GSG1L: variants seen among roughly 807,000 people sequenced by gnomAD.
The protein encoded by GSG1L is germ cell-specific gene 1-like protein.
Under a neutral mutation model 42.1 loss-of-function variants are expected in GSG1L, and 24 were observed. The observed-to-expected ratio is 0.57, with a 90% CI of 0.41 to 0.80. GSG1L has a LOEUF of 0.80. Ranked by LOEUF, GSG1L falls within the 30% of genes least tolerant of loss-of-function variation. The pLI, the probability that GSG1L is intolerant of heterozygous loss-of-function variation, is 0.00. For missense variants in GSG1L, 445 were observed against 472.2 expected, an observed-to-expected ratio of 0.94 and a Z score of 0.53; for synonymous variants, 215 against 203.5, an observed-to-expected ratio of 1.06 and a Z score of -0.48.
chr16:27,893,098 G>A (rs1171553163), intron 2 of GSG1L, among the ~76,000 whole-genome samples: 2 of 152,162 alleles, frequency 1.3e-5, no homozygotes, highest in Non-Finnish European at 2.9e-5. Context: ...CGAAACTTGC[G>A]CTAATGGTTC....
chr16:27,916,902 G>A (rs1369914176), intron 2 of GSG1L, among the ~76,000 whole-genome samples: 1 of 151,946 alleles, frequency 6.6e-6, no homozygotes, highest in Non-Finnish European at 1.5e-5. Context: ...AATGTCTAGA[G>A]TGGGGCTATA....
Position 28,063,217 on chromosome 16 carries a change from C to T in GSG1L, c.208G>A (p.Ala70Thr). The change falls in exon 1 of 7, where the codon GCC becomes ACC. Residue 70 changes from alanine to threonine, a missense_variant. Physicochemically the swap from Ala to Thr is moderately conservative, Grantham distance 58 (BLOSUM62 0). Around this residue, in one of 3 missense-constraint regions of GSG1L, gnomAD observed 156 missense variants for 128.3 expected, o/e 1.22. Coordinates refer to ENST00000447459, the MANE Select transcript of GSG1L (RefSeq NM_001109763.2). The surrounding 1 kb of genome is among the most constrained non-coding windows in gnomAD (Gnocchi z 5.8). ...TANGTAAPAA[A>T]AAAATASGNG... ...CCCGAGGCGGTGGCGGCGGCGGCGGCGGCGGCGGGGGCGGCGGTGCCGTTG... is the reference window on the plus strand; with the variant it reads ...CCCGAGGCGGTGGCGGCGGCGGCGGTGGCGGCGGGGGCGGCGGTGCCGTTG... 2 of 1,261,162 alleles carry T rather than the reference C, an allele frequency of 1.6e-6. No individual in the cohort carries two copies. Among genetic ancestry groups the T allele is most frequent in the South Asian group, 2.8e-5 (1 of 35,684 alleles). The allele number at this position is 1,261,162 out of a possible 1,614,324, so 78.1% of individuals were successfully genotyped here. A position where few individuals can be genotyped will look rare whatever the true frequency, so the allele number is the denominator to read the frequency against.
intron 5 of GSG1L, among the ~76,000 whole-genome samples, chr16:27,826,678 C>A (rs1368024854): frequency 2.0e-5 from 3 of 152,122 alleles, no homozygotes; most frequent in Non-Finnish European, 4.4e-5. Flanking sequence ...CGTTTTGCAC[C>A]CAAGGGTGGG....
At position 27,975,226 on chromosome 16, in the gene GSG1L, C is replaced by T. The variant is rs1265172127; in HGVS notation, c.350-12023G>A. ...GAACAAGATGAGCCAGAAAGGAATG[C>T]CCTGATCTTTCTCTCCTTCTGCCCT... On this transcript the variant is annotated intron_variant, in intron 1 of 6. Coordinates refer to ENST00000447459, the MANE Select transcript of GSG1L (RefSeq NM_001109763.2). Among the ~76,000 whole-genome samples the T allele has an allele frequency of 2.6e-5, 4 of 152,162 alleles. No homozygotes were observed. The East Asian group carries it at 7.7e-4, about 29-fold the overall frequency.
intron 2 of GSG1L, among the ~76,000 whole-genome samples, chr16:27,920,925 A>G (rs1294214384): frequency 1.3e-5 from 2 of 152,166 alleles, no homozygotes; most frequent in Admixed American, 6.5e-5. Context: ...AAGGGGCCAG[A>G]TGGAAGCAGG....
At chr16:28,053,789 A>G (rs1429066766) in intron 1 of GSG1L, among the ~76,000 whole-genome samples, 1 of 150,912 alleles carries the variant, frequency 6.6e-6, no homozygotes, top group Non-Finnish European at 1.5e-5. Context: ...CTGCCCACAT[A>G]TTTCTCCCTT....
intron 3 of GSG1L, among the ~76,000 whole-genome samples, chr16:27,860,337 G>A (rs74013600): frequency 0.012 from 1,772 of 152,336 alleles, 35 homozygotes; most frequent in African/African-American, 0.041. Context: ...AGGTGCAGGA[G>A]CCGCATAGTA....
chr16:28,016,892 C>A (rs531743607), intron 1 of GSG1L, among the ~76,000 whole-genome samples: 1 of 152,306 alleles, frequency 6.6e-6, no homozygotes, highest in Non-Finnish European at 1.5e-5. Context: ...CCGCTTGCCT[C>A]CCCCACAATG....
At chr16:27,906,302 C>T (rs2084320838) in intron 2 of GSG1L, among the ~76,000 whole-genome samples, 1 of 152,120 alleles carries the variant, frequency 6.6e-6, no homozygotes, top group Non-Finnish European at 1.5e-5. Flanking sequence ...CAACTAAGAG[C>T]TTCTAGTAGA....
intron 2 of GSG1L, among the ~76,000 whole-genome samples, chr16:27,906,629 T>G (rs1475572173): frequency 2.0e-5 from 3 of 152,218 alleles, no homozygotes; most frequent in Admixed American, 6.5e-5. Context: ...GTTCCTCATC[T>G]GCACTCAGGT....
intron 1 of GSG1L, among the ~76,000 whole-genome samples, chr16:28,023,444 G>A (rs578235020): frequency 9.7e-4 from 147 of 152,224 alleles, no homozygotes; most frequent in Middle Eastern, 6.8e-3. Flanking sequence ...GTGCACATGC[G>A]TTCATCTTGT....
intron 1 of GSG1L, among the ~76,000 whole-genome samples, chr16:27,963,990 A>C (rs148326803): frequency 1.3e-5 from 2 of 152,262 alleles, no homozygotes; most frequent in African/African-American, 4.8e-5. Context: ...GGTGTGCTAC[A>C]GTGGATGGAT....
At chr16:27,893,912 G>C (rs1441422415) in intron 2 of GSG1L, among the ~76,000 whole-genome samples, 1 of 152,080 alleles carries the variant, frequency 6.6e-6, no homozygotes, top group East Asian at 1.9e-4. Context: ...ACCACTACAT[G>C]CAGCTAATTT....
intron 2 of GSG1L, among the ~76,000 whole-genome samples, chr16:27,894,931 G>A (rs1377850866): frequency 6.6e-6 from 1 of 152,144 alleles, no homozygotes; most frequent in Admixed American, 6.5e-5. Flanking sequence ...GAGGTTCGAG[G>A]GGGAAAGGGC....
chr16:27,837,194 AAGG>A (rs1318008943), intron 4 of GSG1L, among the ~76,000 whole-genome samples: 1 of 152,162 alleles, frequency 6.6e-6, no homozygotes, highest in Non-Finnish European at 1.5e-5. Flanking sequence ...GCCACACGGG[AAGG>A]AGGAGTGCCG....
chr16:28,003,334 G>A (rs1202306505), intron 1 of GSG1L, among the ~76,000 whole-genome samples: 1 of 152,244 alleles, frequency 6.6e-6, no homozygotes, highest in Non-Finnish European at 1.5e-5. Context: ...CCAGCAGCAG[G>A]GACTGCAGGG....
intron 5 of GSG1L, among the ~76,000 whole-genome samples, chr16:27,826,138 G>A (rs2083205691): frequency 6.6e-6 from 1 of 152,166 alleles, no homozygotes; most frequent in African/African-American, 2.4e-5. Flanking sequence ...AGCATCCCGT[G>A]GCACAGTAAG....
intron 2 of GSG1L, among the ~76,000 whole-genome samples, chr16:27,959,038 T>C (rs76144717): frequency 0.011 from 1,638 of 151,870 alleles, 32 homozygotes; most frequent in African/African-American, 0.038. Context: ...ACAAAAAACA[T>C]ATATTTGGTC....
At chr16:27,908,018 A>C (rs944636757) in intron 2 of GSG1L, among the ~76,000 whole-genome samples, 3 of 151,612 alleles carry the variant, frequency 2.0e-5, no homozygotes, top group Admixed American at 6.6e-5. Context: ...CAAATTATTC[A>C]CCCTTCCTGT....
Sources: gnomAD v4.1 joint callset for allele counts (sites outside exome capture counted in the v4.1 genomes callset) on GRCh38, gnomAD v4.1.1 for gene constraint, gnomAD v4.1.1 regional missense constraint, Gnocchi (gnomAD v3.1) non-coding constraint, MANE v1.5 for transcripts, NCBI Gene and HGNC (gene_info 2026-07-23, HGNC 2026-07-21) for gene names.